The following PCDHA8 variants were observed in gnomAD, a reference collection of about 807,000 sequenced individuals.
PCDHA8 encodes protocadherin alpha 8.
Under a neutral mutation model 61.8 loss-of-function variants are expected in PCDHA8, and 53 were observed. The observed-to-expected ratio is 0.86, with a 90% confidence interval of 0.69 to 1.08. PCDHA8 has a LOEUF of 1.08. Ranked by LOEUF, PCDHA8 falls within the 50% of genes least tolerant of loss-of-function variation. PCDHA8 has a pLI of 0.00. For synonymous variants in PCDHA8, 618 were observed against 556.6 expected (o/e 1.11, Z -1.55); for missense variants, 1,293 against 1,245.0 (o/e 1.04, Z -0.58).
At chr5:141,004,449 A>G (rs2098166973) in intron 3 of PCDHA8, among the ~76,000 whole-genome samples, 1 of 152,180 alleles carries the variant, frequency 6.6e-6, no homozygotes. Flanking sequence ...GTCATATAGA[A>G]CCAGGAAGCT....
At chr5:140,863,405 C>T (rs1554158176) in intron 1 of PCDHA8, 11 of 799,522 alleles carry the variant, frequency 1.4e-5, no homozygotes, top group Non-Finnish European at 2.3e-5. Context: ...GGCAAGCCCA[C>T]GCTGGTGTAC....
chr5:140,922,784 C>G (rs1399042980), intron 1 of PCDHA8, among the ~76,000 whole-genome samples: 1 of 152,140 alleles, frequency 6.6e-6, no homozygotes, highest in Non-Finnish European at 1.5e-5. Context: ...GGAGAGAAAA[C>G]TGTAGCTTTG....
At chr5:140,912,864 T>C (rs1483499385) in intron 1 of PCDHA8, among the ~76,000 whole-genome samples, 1 of 152,212 alleles carries the variant, frequency 6.6e-6, no homozygotes, top group East Asian at 1.9e-4. Context: ...TGAAATGATA[T>C]ATGGTTTTTG....
intron 1 of PCDHA8, chr5:140,867,381 A>C (rs2049925984): frequency 6.6e-6 from 1 of 152,184 alleles, no homozygotes; most frequent in African/African-American, 2.4e-5. Context: ...AATGGAATTA[A>C]CGGTTATAAA....
Position 140,957,818 on chromosome 5 carries a change from A to T in PCDHA8, c.2395-21131A>T, listed in dbSNP as rs568420954. On this transcript the variant is annotated intron_variant, in intron 1 of 3. Transcript: ENST00000531613. ...GTTAAGTAAAAAAAAGTCACAAATT[A>T]AGAGAAAGTGTTAATTGATTTGAGA... Among the ~76,000 whole-genome samples the T allele has an allele frequency of 9.3e-4, 141 of 151,940 alleles. 1 individual carries two copies. Among genetic ancestry groups the T allele is most frequent in the African/African-American group, 2.9e-3 (121 of 41,526 alleles).
intron 1 of PCDHA8, among the ~76,000 whole-genome samples, chr5:140,898,404 A>G (rs1170692741): frequency 1.3e-5 from 2 of 152,242 alleles, no homozygotes; most frequent in Non-Finnish European, 2.9e-5. Flanking sequence ...AGCTTTCTAC[A>G]TACGGCTAGC....
In PCDHA8 at chr5:140,853,126, G is replaced by A. The variant is rs182768558; in HGVS notation, c.2394+9411G>A. 8.6e-5 allele frequency: 48 copies of A among 560,326 alleles called. 1 individual carries two copies. In the East Asian group the frequency reaches 5.9e-3, roughly 68 times the overall value. The allele number at this position is 560,326 out of a possible 1,614,324, so 34.7% of individuals were successfully genotyped here. On this transcript the variant is annotated intron_variant, in intron 1 of 3. Coordinates refer to ENST00000531613, the MANE Select transcript of PCDHA8 (RefSeq NM_018911.3). ...GATCTCCTGACCTCATGATCCTCCC[G>A]CCTCAGCCTCCCAAAATGCTGGGAT...
chr5:140,877,782 GGCCTTCAGCCCAA>G, intron 1 of PCDHA8: 1 of 1,614,154 alleles, frequency 6.2e-7, no homozygotes, highest in Non-Finnish European at 8.5e-7. Context: ...CGGACCTCAT[GGCCTTCAGCCCAA>G]GCCTTCAGCT....
In PCDHA8 at chr5:140,995,570, A is replaced by T. The variant is rs186345842; in HGVS notation, c.2542+13007A>T. ...TCACTGTACTGAATAATATGTCAAG[A>T]TGAGCTATGAGCTTTTAACTTAGTG... is the stretch of plus-strand genomic sequence containing the variant. On this transcript the variant is annotated intron_variant, in intron 3 of 3. Transcript: ENST00000531613. Among the ~76,000 whole-genome samples, 3 of 152,328 alleles carry T rather than the reference A, an allele frequency of 2.0e-5. No homozygotes were observed. In the East Asian group the frequency reaches 5.8e-4, roughly 29 times the overall value.
At position 140,842,147 on chromosome 5, in the gene PCDHA8, G is replaced by A; in HGVS notation, c.826G>A (p.Ala276Thr). The change falls in exon 1 of 4, where the codon GCA becomes ACA. Residue 276 changes from alanine (A) to threonine (T), a missense_variant. By Grantham distance (58) the Ala-to-Thr change is moderately conservative (BLOSUM62 0). Coordinates refer to ENST00000531613, the MANE Select transcript of PCDHA8 (RefSeq NM_018911.3). ...TGATCCGGATGAAGGAGCCAATGGG[G>A]CAATTTCATATTCTTTTAATAGCCT... ...ASDPDEGANG[A>T]ISYSFNSLVE... is the part of the protein sequence containing the mutation. 1 of 1,613,842 alleles carries A rather than the reference G, an allele frequency of 6.2e-7. No homozygotes were observed. Among genetic ancestry groups the A allele is most frequent in the Non-Finnish European group, 8.5e-7 (1 of 1,179,832 alleles).
intron 1 of PCDHA8, 163 bp downstream of exon 1, chr5:140,843,878 T>A (rs1234503395): frequency 5.4e-6 from 4 of 744,588 alleles, no homozygotes; most frequent in Non-Finnish European, 8.7e-6. Context: ...CTCAGTGGCA[T>A]AATACAGTAT....
intron 1 of PCDHA8, chr5:140,859,181 G>A (rs1006816858): frequency 6.7e-6 from 1 of 149,700 alleles, no homozygotes; most frequent in Admixed American, 6.7e-5. Context: ...ATCAGCATTA[G>A]GCATTGCTTA....
chr5:140,921,630 A>G lies in PCDHA8; in HGVS notation c.2395-57319A>G, dbSNP rs554698507. ...AGAAAAATATCATCAGATCATCATTATGGTAGCTATTTTAAGGGAACTTAA... is the reference window on the plus strand; with the variant it reads ...AGAAAAATATCATCAGATCATCATTGTGGTAGCTATTTTAAGGGAACTTAA... On this transcript the variant is annotated intron_variant, in intron 1 of 3. Coordinates refer to ENST00000531613, the MANE Select transcript of PCDHA8 (RefSeq NM_018911.3). Among the ~76,000 whole-genome samples, 4 of 152,344 alleles carry G rather than the reference A, an allele frequency of 2.6e-5. No homozygotes were observed. The South Asian group carries it at 8.3e-4, about 32-fold the overall frequency.
At chr5:140,985,075 C>G (rs1477852280) in intron 3 of PCDHA8, among the ~76,000 whole-genome samples, 2 of 151,968 alleles carry the variant, frequency 1.3e-5, no homozygotes, top group Non-Finnish European at 2.9e-5. Context: ...GTAGCTGAGA[C>G]TACAGGCGTG....
At chr5:140,884,681 A>G (rs2060314464) in intron 1 of PCDHA8, 1 of 1,546,928 alleles carries the variant, frequency 6.5e-7, no homozygotes, top group Non-Finnish European at 8.7e-7. Flanking sequence ...ATATTTTAAA[A>G]AATTGTCTTA....
chr5:141,000,913 A>G (rs967026969), intron 3 of PCDHA8, among the ~76,000 whole-genome samples: 1 of 152,218 alleles, frequency 6.6e-6, no homozygotes, highest in African/African-American at 2.4e-5. Context: ...GTCTCTAAAA[A>G]AAAAAATCCT....
intron 1 of PCDHA8, chr5:140,869,704 G>A (rs1271953937): frequency 2.5e-6 from 4 of 1,613,400 alleles, no homozygotes; most frequent in Admixed American, 3.3e-5. Flanking sequence ...GAAGTCTCTG[G>A]ATAGAGAGAA....
At chr5:140,853,708 A>G (rs535294888) in intron 1 of PCDHA8, 3 of 986,248 alleles carry the variant, frequency 3.0e-6, no homozygotes, top group South Asian at 9.5e-5. Flanking sequence ...ACGCATTAGC[A>G]TTAGCAGCAC....
At chr5:141,000,395 C>CTATATA (rs1190667031) in intron 3 of PCDHA8, among the ~76,000 whole-genome samples, 4 of 53,980 alleles carry the variant, frequency 7.4e-5, no homozygotes, top group East Asian at 6.1e-4. Context: ...CTCTCTCTCT[C>CTATATA]TATATATATA....
Sources: gnomAD v4.1 joint callset for allele counts (sites outside exome capture counted in the v4.1 genomes callset) on GRCh38, gnomAD v4.1.1 for gene constraint, MANE v1.5 for transcripts, NCBI Gene and HGNC (gene_info 2026-07-23, HGNC 2026-07-21) for gene names.